STAG1: variants seen among roughly 807,000 people sequenced by gnomAD.
STAG1 encodes cohesin subunit SA-1.
Under a neutral mutation model 170.9 loss-of-function variants are expected in STAG1, and 26 were observed. The observed-to-expected ratio is 0.15, with a 90% confidence interval of 0.11 to 0.21. STAG1 has a LOEUF of 0.21. Ranked by LOEUF, STAG1 falls within the 10% of genes least tolerant of loss-of-function variation. The probability of loss-of-function intolerance (pLI) is 1.00; values close to 1 mark genes in which losing one functional copy is unlikely to be tolerated. For synonymous variants in STAG1, 514 were observed against 497.7 expected (o/e 1.03, Z -0.44); for missense variants, 964 against 1,509.5 (o/e 0.64, Z 5.99).
intron 16 of STAG1, among the ~76,000 whole-genome samples, chr3:136,425,224 TAG>T (rs1263697192): frequency 6.6e-6 from 1 of 152,016 alleles, no homozygotes; most frequent in African/African-American, 2.4e-5. Flanking sequence ...ATCCACCTAA[TAG>T]ACACTATACA....
intron 13 of STAG1, among the ~76,000 whole-genome samples, chr3:136,453,382 G>A (rs1368514076): frequency 6.6e-6 from 1 of 152,034 alleles, no homozygotes; most frequent in Non-Finnish European, 1.5e-5. Flanking sequence ...ATGAAGTCAG[G>A]AGATTGAGAC....
intron 1 of STAG1, among the ~76,000 whole-genome samples, chr3:136,735,124 T>C (rs1365322758): frequency 6.8e-6 from 1 of 147,546 alleles, no homozygotes; most frequent in Admixed American, 6.8e-5. Context: ...CCTTACTCCC[T>C]TTTTTTTTTG....
chr3:136,741,134 T>C (rs1465078685), intron 1 of STAG1, among the ~76,000 whole-genome samples: 1 of 152,200 alleles, frequency 6.6e-6, no homozygotes, highest in Non-Finnish European at 1.5e-5. Context: ...GCAAAAAGCG[T>C]ATTTATGACC....
At chr3:136,449,734 GA>G (rs1275539879) in intron 14 of STAG1, among the ~76,000 whole-genome samples, 1 of 152,060 alleles carries the variant, frequency 6.6e-6, no homozygotes, top group East Asian at 1.9e-4. Context: ...CAAAACGCCT[GA>G]AACTAAGTAC....
chr3:136,608,202 T>A (rs1384650347), intron 3 of STAG1, among the ~76,000 whole-genome samples: 1 of 150,550 alleles, frequency 6.6e-6, no homozygotes, highest in African/African-American at 2.5e-5. Context: ...GAGGTTGCAG[T>A]GAGCTGAAAT....
chr3:136,583,322 T>C (rs935823459), intron 4 of STAG1, among the ~76,000 whole-genome samples: 3 of 152,150 alleles, frequency 2.0e-5, no homozygotes, highest in South Asian at 2.1e-4. Flanking sequence ...TAGAACTCAA[T>C]ATAATATCTA....
intron 7 of STAG1, among the ~76,000 whole-genome samples, chr3:136,510,545 G>A (rs1934008097): frequency 6.6e-6 from 1 of 151,734 alleles, no homozygotes; most frequent in Non-Finnish European, 1.5e-5. Flanking sequence ...AAAAGTGTTA[G>A]CATTACAGGC....
chr3:136,553,716 G>A (rs1283714732), intron 5 of STAG1, among the ~76,000 whole-genome samples: 10 of 152,250 alleles, frequency 6.6e-5, no homozygotes, highest in African/African-American at 2.2e-4. Context: ...AGAGATTGCC[G>A]TGAGCCAAGA....
Position 136,707,905 on chromosome 3 carries a change from G to T in STAG1, c.-84+44290C>A, listed in dbSNP as rs181141645. On this transcript the variant is annotated intron_variant, in intron 1 of 33. Coordinates refer to ENST00000383202, the MANE Select transcript of STAG1 (RefSeq NM_005862.3). ...CCACCTCCCAATATCACCACACTGG[G>T]GATCAAATTTCAACATGAGTTTTGG... 4.0e-4 allele frequency among the ~76,000 whole-genome samples: 61 copies of T among 152,010 alleles called. No homozygotes were observed. The East Asian group carries it at 0.011, about 28-fold the overall frequency.
intron 9 of STAG1, among the ~76,000 whole-genome samples, chr3:136,478,609 T>C (rs2089825620): frequency 6.6e-6 from 1 of 152,328 alleles, no homozygotes; most frequent in African/African-American, 2.4e-5. Flanking sequence ...AAAATTTTAA[T>C]GATAATTAAG....
chr3:136,452,438 C>A (rs2088971757), intron 13 of STAG1, among the ~76,000 whole-genome samples: 1 of 151,792 alleles, frequency 6.6e-6, no homozygotes, highest in African/African-American at 2.4e-5. Context: ...GTGGCGGGCA[C>A]CTGTAGTCCC....
intron 16 of STAG1, among the ~76,000 whole-genome samples, chr3:136,433,245 A>G (rs2088361811): frequency 1.3e-5 from 2 of 152,036 alleles, no homozygotes; most frequent in Admixed American, 1.3e-4. Flanking sequence ...AAGAACTTGC[A>G]AACTAGGCAT....
At chr3:136,485,922 TTTAAG>T (rs766902621) in intron 9 of STAG1, among the ~76,000 whole-genome samples, 48 of 152,342 alleles carry the variant, frequency 3.2e-4, no homozygotes, top group Non-Finnish European at 6.0e-4. Flanking sequence ...TAAATGGAAA[TTTAAG>T]TTGTTTCCAA....
Position 136,367,080 on chromosome 3 carries a change from C to T in STAG1, c.2548G>A (p.Gly850Ser). Residue 850 changes from glycine (G) to serine (S), a missense_variant and splice_region_variant, in exon 25 of 34, where the codon GGT becomes AGT. Transcript: ENST00000383202. ...DQDEENQSME[G>S]DEEDEANKIE... ...TTATTAGCTTCATCTTCTTCATCAC[C>T]CTCTAAACACAGATTACAAATTGGT... 2 of 1,598,956 alleles carry T rather than the reference C, an allele frequency of 1.3e-6. No individual in the cohort carries two copies. Among genetic ancestry groups the T allele is most frequent in the Non-Finnish European group, 1.7e-6 (2 of 1,170,006 alleles).
chr3:136,493,508 A>G (rs1014171234), intron 9 of STAG1, among the ~76,000 whole-genome samples: 1 of 152,020 alleles, frequency 6.6e-6, no homozygotes, highest in Non-Finnish European at 1.5e-5. Flanking sequence ...AACAAAAATT[A>G]GCCAGGCATA....
intron 1 of STAG1, among the ~76,000 whole-genome samples, chr3:136,743,241 A>G (rs113565554): frequency 4.6e-5 from 7 of 151,896 alleles, no homozygotes; most frequent in African/African-American, 1.4e-4. Flanking sequence ...AGTGGAGGGC[A>G]CCTGTAATCC....
At chr3:136,372,793 A>G (rs1429193772) in intron 23 of STAG1, among the ~76,000 whole-genome samples, 2 of 152,166 alleles carry the variant, frequency 1.3e-5, no homozygotes, top group Non-Finnish European at 2.9e-5. Flanking sequence ...CATCAGGGAT[A>G]TTGGTCTAAA....
At chr3:136,642,503 T>C (rs936862199) in intron 1 of STAG1, among the ~76,000 whole-genome samples, 20 of 151,924 alleles carry the variant, frequency 1.3e-4, no homozygotes, top group African/African-American at 3.6e-4. Context: ...AACTCCCAAG[T>C]GATCCACCCG....
At chr3:136,716,519 G>A (rs530625830) in intron 1 of STAG1, among the ~76,000 whole-genome samples, 2 of 152,302 alleles carry the variant, frequency 1.3e-5, no homozygotes, top group African/African-American at 4.8e-5. Context: ...GCTGGCTCAT[G>A]CTTGTAATGC....
Sources: gnomAD v4.1 joint callset for allele counts (sites outside exome capture counted in the v4.1 genomes callset) on GRCh38, gnomAD v4.1.1 for gene constraint, MANE v1.5 for transcripts, NCBI Gene and HGNC (gene_info 2026-07-23, HGNC 2026-07-21) for gene names.